The following DLGAP1 variants were observed in gnomAD, a reference collection of about 807,000 sequenced individuals.
DLGAP1 encodes the protein DLG associated protein 1.
In DLGAP1, 11 loss-of-function variants were observed where a neutral mutation model predicts 90.8. The observed-to-expected ratio is 0.12, with a 90% CI of 0.08 to 0.20. DLGAP1 has a LOEUF of 0.20. DLGAP1 is among the 10% of genes least tolerant of loss of function. The probability of loss-of-function intolerance (pLI) is 1.00; values close to 1 mark genes in which losing one functional copy is unlikely to be tolerated. For synonymous variants in DLGAP1, 558 were observed against 540.7 expected (o/e 1.03, Z -0.44); for missense variants, 1,050 against 1,333.8 (o/e 0.79, Z 3.31).
In DLGAP1 at chr18:4,249,014, T is replaced by C. The variant is rs567547373; in HGVS notation, c.-266-97727A>G. Among the ~76,000 whole-genome samples the C allele has an allele frequency of 2.6e-5, 4 of 152,348 alleles. 1 individual carries two copies. The South Asian group carries it at 8.3e-4, about 32-fold the overall frequency. ...CCCACATAGGGCACTTGTGCATCTA[T>C]TTATGTCTCTATGCAAATATGCCTT... On this transcript the variant is annotated intron_variant, in intron 1 of 12. Transcript: ENST00000315677.
intron 7 of DLGAP1, among the ~76,000 whole-genome samples, chr18:3,696,289 A>G (rs1219021448): frequency 6.6e-6 from 1 of 152,158 alleles, no homozygotes; most frequent in African/African-American, 2.4e-5. Context: ...TTCAAAGGGA[A>G]TGCCTCCAGC....
At chr18:3,600,671 TATAG>T (rs1253244255) in intron 7 of DLGAP1, among the ~76,000 whole-genome samples, 1 of 121,268 alleles carries the variant, frequency 8.2e-6, no homozygotes, top group African/African-American at 3.4e-5. Context: ...TATAGAGATC[TATAG>T]ATATCTATAG....
chr18:4,422,178 A>G (rs75690115), intron 1 of DLGAP1, among the ~76,000 whole-genome samples: 10,214 of 151,752 alleles, frequency 0.067, 707 homozygotes, highest in African/African-American at 0.18. Context: ...CTGAGGCTTA[A>G]TTTATAATAT....
At chr18:3,672,201 GAC>G (rs3223621) in intron 7 of DLGAP1, among the ~76,000 whole-genome samples, 13,714 of 143,372 alleles carry the variant, frequency 0.096, 683 homozygotes, top group African/African-American at 0.14. Context: ...CTGCTGATTA[GAC>G]ACACACACAC....
chr18:4,162,943 G>T (rs552074074), intron 1 of DLGAP1, among the ~76,000 whole-genome samples: 273 of 152,010 alleles, frequency 1.8e-3, no homozygotes, highest in Middle Eastern at 3.4e-3. Context: ...ATATCATTCT[G>T]TTTTGAGCTA....
intron 5 of DLGAP1, among the ~76,000 whole-genome samples, chr18:3,798,520 G>C (rs1218074066): frequency 6.6e-6 from 1 of 152,204 alleles, no homozygotes; most frequent in Non-Finnish European, 1.5e-5. Context: ...GGATTGACTT[G>C]GAGAGGAAAG....
chr18:4,255,341 T>C (rs2078866543), intron 1 of DLGAP1, among the ~76,000 whole-genome samples: 1 of 152,182 alleles, frequency 6.6e-6, no homozygotes, highest in Non-Finnish European at 1.5e-5. Flanking sequence ...AGAATATTGC[T>C]GTCCATCTTT....
chr18:3,973,290 CAAAAAAAAA>C (rs3031700), intron 3 of DLGAP1, among the ~76,000 whole-genome samples: 1 of 134,878 alleles, frequency 7.4e-6, no homozygotes, highest in Non-Finnish European at 1.6e-5. Flanking sequence ...TAGCCATAGC[CAAAAAAAAA>C]AAAAAAAAAA....
chr18:4,401,702 C>T (rs1415453005), intron 1 of DLGAP1, among the ~76,000 whole-genome samples: 1 of 152,008 alleles, frequency 6.6e-6, no homozygotes, highest in Non-Finnish European at 1.5e-5. Flanking sequence ...TGTAATTTGA[C>T]CCAGATAATG....
intron 1 of DLGAP1, among the ~76,000 whole-genome samples, chr18:4,382,994 A>G (rs902638553): frequency 5.3e-5 from 8 of 152,176 alleles, no homozygotes; most frequent in Non-Finnish European, 8.8e-5. Flanking sequence ...GTATATCAGT[A>G]ACTGTATTTA....
At chr18:3,690,463 A>T (rs1055288152) in intron 7 of DLGAP1, among the ~76,000 whole-genome samples, 11 of 152,086 alleles carry the variant, frequency 7.2e-5, no homozygotes, top group African/African-American at 2.7e-4. Flanking sequence ...GCCTTTGGGG[A>T]TTCCAATGAC....
chr18:3,669,698 C>A (rs578136149), intron 7 of DLGAP1, among the ~76,000 whole-genome samples: 1 of 152,192 alleles, frequency 6.6e-6, no homozygotes, highest in South Asian at 2.1e-4. Flanking sequence ...TTCTGGCTTC[C>A]TCAATGGCTG....
intron 3 of DLGAP1, among the ~76,000 whole-genome samples, chr18:3,900,359 T>C (rs1243085283): frequency 6.6e-6 from 1 of 152,248 alleles, no homozygotes; most frequent in Non-Finnish European, 1.5e-5. Flanking sequence ...CTCTCCACTT[T>C]CCAGCACAGA....
chr18:4,230,114 C>A (rs1390001612), intron 1 of DLGAP1, among the ~76,000 whole-genome samples: 1 of 151,922 alleles, frequency 6.6e-6, no homozygotes, highest in Non-Finnish European at 1.5e-5. Context: ...TGGCTTTTAT[C>A]TAAAAGACAG....
In DLGAP1 at chr18:4,126,079, T is replaced by C. The variant is rs536185876; in HGVS notation, c.-159+25101A>G. On this transcript the variant is annotated intron_variant, in intron 2 of 12. Coordinates refer to ENST00000315677, the MANE Select transcript of DLGAP1 (RefSeq NM_004746.4). ...GCACAGCTGGACTCAGGCTCATAGA[T>C]GGAAGCTTGCAATTTGAAGCACCTG... Among the ~76,000 whole-genome samples, 5 of 152,326 alleles carry C rather than the reference T, an allele frequency of 3.3e-5. No individual in the cohort carries two copies. In the East Asian group the frequency reaches 5.8e-4, roughly 18 times the overall value.
At chr18:3,515,465 T>G (rs548085148) in intron 10 of DLGAP1, among the ~76,000 whole-genome samples, 333 of 18,512 alleles carry the variant, frequency 0.018, no homozygotes, top group African/African-American at 0.045. Flanking sequence ...CGAGATTCCA[T>G]CTCAAAAAAA....
At chr18:4,104,722 CTCTT>C (rs2075832011) in intron 2 of DLGAP1, among the ~76,000 whole-genome samples, 2 of 152,160 alleles carry the variant, frequency 1.3e-5, no homozygotes, top group African/African-American at 4.8e-5. Context: ...CTCTGTCTCT[CTCTT>C]TCTCATTCCA....
chr18:4,207,546 A>C (rs1010761355), intron 1 of DLGAP1, among the ~76,000 whole-genome samples: 3 of 152,228 alleles, frequency 2.0e-5, no homozygotes, highest in Non-Finnish European at 4.4e-5. Context: ...GGAATTTACC[A>C]TCTGAGGTAG....
At chr18:3,704,132 C>T (rs1179063639) in intron 7 of DLGAP1, among the ~76,000 whole-genome samples, 1 of 152,208 alleles carries the variant, frequency 6.6e-6, no homozygotes, top group African/African-American at 2.4e-5. Context: ...CATCCTAGCC[C>T]CTAGGAGGAT....
Sources: gnomAD v4.1 joint callset for allele counts (sites outside exome capture counted in the v4.1 genomes callset) on GRCh38, gnomAD v4.1.1 for gene constraint, MANE v1.5 for transcripts, NCBI Gene and HGNC (gene_info 2026-07-23, HGNC 2026-07-21) for gene names.